Variants in ANK2 observed in about 807,000 individuals in gnomAD.
ANK2 encodes ankyrin 2.
Under a neutral mutation model 360.5 loss-of-function variants are expected in ANK2, and 83 were observed. That is an observed-to-expected ratio of 0.23 (90% CI 0.19 to 0.28). The LOEUF is 0.28. Ranked by LOEUF, ANK2 falls within the 10% of genes least tolerant of loss-of-function variation. The pLI, the probability that ANK2 is intolerant of heterozygous loss-of-function variation, is 1.00. For missense variants in ANK2, 4,201 were observed against 4,795.7 expected (o/e 0.88, Z 3.66); for synonymous variants, 1,740 against 1,759.5 (o/e 0.99, Z 0.28).
intron 2 of ANK2, among the ~76,000 whole-genome samples, chr4:112,981,499 C>G (rs1320524549): frequency 2.0e-5 from 3 of 152,014 alleles, no homozygotes; most frequent in Non-Finnish European, 4.4e-5. Context: ...AGAGGTGGAA[C>G]CATGGGATTT....
intron 4 of ANK2, among the ~76,000 whole-genome samples, chr4:113,213,025 T>G (rs1245300565): frequency 6.6e-6 from 1 of 152,204 alleles, no homozygotes; most frequent in Admixed American, 6.5e-5. Flanking sequence ...AAAACACTTA[T>G]AGTATAGACA....
the ANK2 span, among the ~76,000 whole-genome samples, chr4:112,713,311 G>A: frequency 6.6e-6 from 1 of 151,948 alleles, no homozygotes; most frequent in African/African-American, 2.4e-5. Flanking sequence ...GAATGAAGTT[G>A]CTATATAAAA....
At chr4:112,728,538 A>G in the ANK2 span, among the ~76,000 whole-genome samples, 3 of 151,766 alleles carry the variant, frequency 2.0e-5, no homozygotes, top group African/African-American at 7.3e-5. Flanking sequence ...ATCGCTTGAG[A>G]CCAGGAGTTC....
chr4:112,880,379 G>T (rs2076372659), intron 1 of ANK2: 1 of 152,132 alleles, frequency 6.6e-6, no homozygotes, highest in African/African-American at 2.4e-5. Flanking sequence ...TTGTTTGATT[G>T]TAGCTAATAT....
chr4:112,751,069 C>G, the ANK2 span, among the ~76,000 whole-genome samples: 620 of 152,240 alleles, frequency 4.1e-3, 4 homozygotes, highest in African/African-American at 0.014. Context: ...AAGAAGGAAG[C>G]AGCCACCTCT....
At chr4:112,879,937 G>T (rs972316910) in intron 1 of ANK2, among the ~76,000 whole-genome samples, 2 of 151,944 alleles carry the variant, frequency 1.3e-5, no homozygotes, top group Non-Finnish European at 2.9e-5. Context: ...TGAATTCCAG[G>T]AATGACAAAG....
At chr4:112,736,052 AT>A in the ANK2 span, among the ~76,000 whole-genome samples, 1 of 152,326 alleles carries the variant, frequency 6.6e-6, no homozygotes, top group East Asian at 1.9e-4. Context: ...AGGTTTCAGA[AT>A]AGAAATAAAA....
intron 2 of ANK2, among the ~76,000 whole-genome samples, chr4:112,925,457 A>T (rs996228564): frequency 2.6e-5 from 4 of 152,186 alleles, no homozygotes; most frequent in Admixed American, 6.5e-5. Flanking sequence ...GATACAAAAG[A>T]TATATCTGCA....
At chr4:113,165,470 A>G (rs1426026530) in intron 1 of ANK2, among the ~76,000 whole-genome samples, 1 of 152,166 alleles carries the variant, frequency 6.6e-6, no homozygotes, top group Non-Finnish European at 1.5e-5. Flanking sequence ...TAGGACTTGT[A>G]TAATGTTTTG....
rs576132485 is a variant in ANK2, at chr4:113,355,234, A to C, written c.6616A>C (p.Lys2206Gln). 6.2e-7 allele frequency: 1 copy of C among 1,614,128 alleles called. No homozygotes were observed. The highest frequency in any genetic ancestry group is 1.3e-5 in the African/African-American group (1 of 75,044). Reference sequence around the variant, plus strand: ...TTTAGATGGCAGTTCTGAAAGCCTAAAGAATGAGGGGGTAGCCGGCTCTCC... The same window carrying C: ...TTTAGATGGCAGTTCTGAAAGCCTACAGAATGAGGGGGTAGCCGGCTCTCC... ...GALDGSSESLKNEGVAGSPCG... is the reference protein window; with the variant it reads ...GALDGSSESLQNEGVAGSPCG... The change falls in exon 38 of 46, where the codon AAG (lysine) becomes CAG (glutamine). Residue 2206 changes from lysine to glutamine, a missense_variant. Lys to Gln is a moderately conservative substitution (Grantham distance 53, BLOSUM62 1). This residue lies in a region of ANK2 where 2,642 missense variants were observed against 2,714.5 expected (regional missense o/e 0.97). Transcript: ENST00000357077.
At position 113,356,703 on chromosome 4, in the gene ANK2, T is replaced by A; in HGVS notation, c.8085T>A (p.Leu2695=). The part of the protein sequence containing the change: ...PVIRVQPPSP[L]PSSMDSNSSP... ...TTCGAGTACAACCTCCTTCTCCACT[T>A]CCATCAAGCATGGACTCCAATTCCA... Residue 2695 remains leucine (L), a synonymous_variant, in exon 38 of 46, where the codon CTT becomes CTA. Coordinates refer to ENST00000357077, the MANE Select transcript of ANK2 (RefSeq NM_001148.6). 6.2e-7 allele frequency: 1 copy of A among 1,614,096 alleles called. No homozygotes were observed. Among genetic ancestry groups the A allele is most frequent in the Non-Finnish European group, 8.5e-7 (1 of 1,179,990 alleles).
At chr4:113,317,510 C>G in intron 24 of ANK2, 197 bp from the exon 25 acceptor site, 1 of 621,574 alleles carries the variant, frequency 1.6e-6, no homozygotes, top group Non-Finnish European at 2.9e-6. Context: ...TGCCATTGAG[C>G]GGTAGGAACC....
rs151223551 is a variant in ANK2, at chr4:113,014,248, G to T, written c.21+109734G>T. ...CTGGGTAATCAATAAATATCAAGCT[G>T]CTCATAGTCTAAAAGATAAAAAAGC... On this transcript the variant is annotated intron_variant, in intron 2 of 30. Coordinates refer to the ANK2 transcript ENST00000503271. Among the ~76,000 whole-genome samples the T allele has an allele frequency of 5.8e-3, 886 of 152,266 alleles. 21 individuals carry two copies. Among genetic ancestry groups the T allele is most frequent in the East Asian group, 0.049 (252 of 5,188 alleles).
At chr4:113,043,069 C>A (rs2063358889) in intron 2 of ANK2, among the ~76,000 whole-genome samples, 1 of 151,938 alleles carries the variant, frequency 6.6e-6, no homozygotes, top group Non-Finnish European at 1.5e-5. Context: ...TAGTCAGTGA[C>A]CCCCCAAATA....
intron 19 of ANK2, among the ~76,000 whole-genome samples, 167 bp downstream of exon 19, chr4:113,287,870 T>G (rs867013085): frequency 5.3e-5 from 8 of 152,276 alleles, no homozygotes; most frequent in Middle Eastern, 6.8e-3. Flanking sequence ...TGGCTCCCCA[T>G]TTTTTGCTAG....
intron 4 of ANK2, among the ~76,000 whole-genome samples, chr4:113,208,465 T>C (rs1002875908): frequency 6.6e-6 from 1 of 151,976 alleles, no homozygotes; most frequent in African/African-American, 2.4e-5. Context: ...AACACTATAA[T>C]ATAAAACAGT....
chr4:113,356,137 T>A lies in ANK2; in HGVS notation c.7519T>A (p.Ser2507Thr). The A allele has an allele frequency of 1.9e-6, 3 of 1,614,094 alleles. No individual in the cohort carries two copies. Among genetic ancestry groups the A allele is most frequent in the Non-Finnish European group, 2.5e-6 (3 of 1,179,982 alleles). Residue 2507 changes from serine (S) to threonine (T), a missense_variant, in exon 38 of 46, where the codon TCC (serine) becomes ACC (threonine). Ser to Thr is a moderately conservative substitution (Grantham distance 58). Transcript: ENST00000357077. ...CTTGACGGAAGTGGCCTCTGTGCGGTCCCGGCTACTCCGAGACCCTGATGG... is the reference window on the plus strand; with the variant it reads ...CTTGACGGAAGTGGCCTCTGTGCGGACCCGGCTACTCCGAGACCCTGATGG... ...ELLTEVASVR[S>T]RLLRDPDGSA...
chr4:112,725,154 C>A, the ANK2 span, among the ~76,000 whole-genome samples: 1 of 150,920 alleles, frequency 6.6e-6, no homozygotes, highest in Non-Finnish European at 1.5e-5. Context: ...TGGTGGCGGG[C>A]GCCTGTAGTT....
At chr4:113,229,116 G>C (rs971685759) in intron 4 of ANK2, among the ~76,000 whole-genome samples, 2 of 152,200 alleles carry the variant, frequency 1.3e-5, no homozygotes, top group African/African-American at 2.4e-5. Context: ...CAAACAACTT[G>C]AAAGGTGTGT....
Sources: allele counts gnomAD v4.1 joint callset (sites outside exome capture counted in the v4.1 genomes callset), GRCh38; gene constraint gnomAD v4.1.1; regional missense constraint gnomAD v4.1.1; transcripts MANE v1.5; gene names NCBI Gene and HGNC (gene_info 2026-07-23, HGNC 2026-07-21).